Variants in TRIB3 observed in about 807,000 individuals in gnomAD.
The protein encoded by TRIB3 is tribbles pseudokinase 3, also known as tribbles homolog 3.
Under a neutral mutation model 16.6 loss-of-function variants are expected in TRIB3, and 20 were observed. The observed-to-expected ratio is 1.20, with a 90% CI of 0.85 to 1.75. The LOEUF (loss-of-function observed/expected upper bound fraction) is 1.75, where lower values mean the gene tolerates loss of function less well. TRIB3 is among the 40% of genes most tolerant of loss of function. The pLI, the probability that TRIB3 is intolerant of heterozygous loss-of-function variation, is 0.00. For synonymous variants in TRIB3, 208 were observed against 217.0 expected, an observed-to-expected ratio of 0.96 and a Z score of 0.36; for missense variants, 484 against 488.9, an observed-to-expected ratio of 0.99 and a Z score of 0.10.
chr20:393,681 T>C (rs980764517), intron 3 of TRIB3, among the ~76,000 whole-genome samples: 5 of 152,186 alleles, frequency 3.3e-5, no homozygotes, highest in African/African-American at 1.2e-4. Context: ...TTGGATTTGA[T>C]TGATGTTTTC....
rs372139142 is a variant in TRIB3, at chr20:391,485, C to T, written c.490C>T (p.Arg164Cys). Reference sequence around the variant, plus strand: ...TGAGCCTGAGGCTGCCGTGCTCTTCCGCCAGATGGCCACCGCCCTGGCGCA... The same window carrying T: ...TGAGCCTGAGGCTGCCGTGCTCTTCTGCCAGATGGCCACCGCCCTGGCGCA... ...IPEPEAAVLF[R>C]QMATALAHCH... Residue 164 changes from arginine (R) to cysteine (C), a missense_variant, in exon 3 of 4, where the codon CGC becomes TGC. By Grantham distance (180) the Arg-to-Cys change is radical. Coordinates refer to ENST00000217233, the MANE Select transcript of TRIB3 (RefSeq NM_021158.5). 8.7e-6 allele frequency: 14 copies of T among 1,613,690 alleles called. No individual in the cohort carries two copies. Among genetic ancestry groups the T allele is most frequent in the East Asian group, 2.2e-5 (1 of 44,880 alleles).
At chr20:384,653 C>T (rs28691758) in intron 1 of TRIB3, among the ~76,000 whole-genome samples, 17,947 of 152,212 alleles carry the variant, frequency 0.12, 1,222 homozygotes, top group Non-Finnish European at 0.16. Context: ...TGAGCCACTG[C>T]GCCCAGCCTT....
intron 1 of TRIB3, among the ~76,000 whole-genome samples, chr20:382,227 C>A (rs1023457552): frequency 3.9e-5 from 6 of 152,208 alleles, no homozygotes; most frequent in African/African-American, 1.4e-4. Context: ...GGGCTGCTTT[C>A]ATTCCACATC....
At chr20:395,996 G>A (rs1251878690) in intron 3 of TRIB3, among the ~76,000 whole-genome samples, 1 of 152,118 alleles carries the variant, frequency 6.6e-6, no homozygotes, top group Non-Finnish European at 1.5e-5. Flanking sequence ...AAATTTAATT[G>A]CTCTGTGGCC....
intron 2 of TRIB3, among the ~76,000 whole-genome samples, chr20:389,727 C>T (rs543200790): frequency 1.3e-5 from 2 of 152,276 alleles, no homozygotes; most frequent in East Asian, 1.9e-4. Context: ...AAGCGCCATG[C>T]GTTCACAGGG....
At position 396,946 on chromosome 20, in the gene TRIB3, T is replaced by C. The variant is rs1343742711; in HGVS notation, c.*256T>C. On this transcript the variant is annotated 3_prime_UTR_variant, in exon 4 of 4. Transcript: ENST00000217233. Reference sequence around the variant, plus strand: ...AGTGAGCAAAGGAGACAATATTCCCTGCTCACAGAGATGACAAACTGGCAT... The same window carrying C: ...AGTGAGCAAAGGAGACAATATTCCCCGCTCACAGAGATGACAAACTGGCAT... 1 of 468,972 alleles carries C rather than the reference T, an allele frequency of 2.1e-6. No individual in the cohort carries two copies. The highest frequency in any genetic ancestry group is 3.8e-5 in the Admixed American group (1 of 26,584). 29.1% of individuals were successfully genotyped at this position (468,972 alleles called of 1,614,324 possible).
chr20:387,909 A>G, intron 1 of TRIB3, 102 bp from the exon 2 acceptor site: 1 of 1,365,100 alleles, frequency 7.3e-7, no homozygotes, highest in Admixed American at 2.1e-5. Context: ...ACACTGCCAG[A>G]TCACCCCCTA....
intron 1 of TRIB3, among the ~76,000 whole-genome samples, chr20:382,843 G>T (rs1455252243): frequency 6.6e-6 from 1 of 152,234 alleles, no homozygotes; most frequent in Non-Finnish European, 1.5e-5. Flanking sequence ...CCAAGCCAAA[G>T]TCATGACCTT....
chr20:390,752 A>G (rs1159181060), intron 2 of TRIB3, among the ~76,000 whole-genome samples: 32 of 152,180 alleles, frequency 2.1e-4, no homozygotes. Flanking sequence ...CTGTAATCCC[A>G]GCCCTTTGGA....
At chr20:391,159 G>C (rs1042679522) in intron 2 of TRIB3, 128 bp from the exon 3 acceptor site, 2 of 1,044,812 alleles carry the variant, frequency 1.9e-6, no homozygotes, top group Non-Finnish European at 2.8e-6. Context: ...TGAGTGACTC[G>C]GTCAGTGAAG....
intron 2 of TRIB3, among the ~76,000 whole-genome samples, chr20:388,847 A>G (rs1459705962): frequency 6.6e-6 from 1 of 152,104 alleles, no homozygotes; most frequent in Non-Finnish European, 1.5e-5. Flanking sequence ...AACTCCTGGG[A>G]CCTCGGAGGT....
chr20:382,430 C>T (rs2014687091), intron 1 of TRIB3: 1 of 1,168,100 alleles, frequency 8.6e-7, no homozygotes, highest in Admixed American at 2.1e-5. Context: ...TCCTGCTGCA[C>T]AGGGCACAAA....
chr20:392,581 G>A (rs2015010820), intron 3 of TRIB3, among the ~76,000 whole-genome samples: 2 of 151,052 alleles, frequency 1.3e-5, no homozygotes, highest in African/African-American at 4.9e-5. Flanking sequence ...AATTGAGACA[G>A]AGTCTCACTC....
chr20:387,973 GC>G, intron 1 of TRIB3, 37 bp from the exon 2 acceptor site: 1 of 1,587,376 alleles, frequency 6.3e-7, no homozygotes, highest in Non-Finnish European at 8.6e-7. Context: ...GGGCCACCAA[GC>G]AGTCTCACTT....
intron 3 of TRIB3, 41 bp from the exon 4 acceptor site, chr20:396,157 C>A: frequency 6.4e-7 from 1 of 1,572,558 alleles, no homozygotes; most frequent in Non-Finnish European, 8.6e-7. Flanking sequence ...CATGGGGGTT[C>A]TGGGTAGGAC....
At chr20:387,954 G>A in intron 1 of TRIB3, 57 bp from the exon 2 acceptor site, 10 of 1,566,024 alleles carry the variant, frequency 6.4e-6, no homozygotes, top group Non-Finnish European at 8.7e-6. Flanking sequence ...CACCAGCAGG[G>A]GAAAGGAGGG....
intron 3 of TRIB3, among the ~76,000 whole-genome samples, chr20:392,009 G>A (rs1238364967): frequency 1.3e-5 from 2 of 150,222 alleles, no homozygotes; most frequent in African/African-American, 4.9e-5. Flanking sequence ...GCAACAGAGT[G>A]AGATTCCATC....
At chr20:386,720 A>T (rs1021511953) in intron 1 of TRIB3, among the ~76,000 whole-genome samples, 1 of 151,756 alleles carries the variant, frequency 6.6e-6, no homozygotes, top group African/African-American at 2.4e-5. Context: ...TTACAGGCCC[A>T]CGCCACCACG....
chr20:393,038 T>TAAGGGG (rs1333505505), intron 3 of TRIB3, among the ~76,000 whole-genome samples: 1 of 98,864 alleles, frequency 1.0e-5, no homozygotes, highest in East Asian at 3.9e-4. Flanking sequence ...TTTAAAAAAC[T>TAAGGGG]TTTTATCTTG....
Sources: allele counts gnomAD v4.1 joint callset (sites outside exome capture counted in the v4.1 genomes callset), GRCh38; gene constraint gnomAD v4.1.1; transcripts MANE v1.5; gene names NCBI Gene and HGNC (gene_info 2026-07-23, HGNC 2026-07-21).